The following ASTN2 variants were observed in gnomAD, a reference collection of about 807,000 sequenced individuals.
ASTN2 encodes the protein astrotactin-2.
In ASTN2, 54 loss-of-function variants were observed where a neutral mutation model predicts 139.8. The ratio of observed to expected loss-of-function variants is 0.39; its 90% CI spans 0.31 to 0.48. ASTN2 has a LOEUF of 0.48. Among genes scored for constraint, ASTN2 ranks in the 20% least tolerant of loss-of-function variants. The pLI is 0.95. For missense variants in ASTN2, 1,565 were observed against 1,725.1 expected (o/e 0.91, Z 1.64); for synonymous variants, 756 against 719.5 (o/e 1.05, Z -0.81).
chr9:116,754,838 G>T (rs1829493382), intron 13 of ASTN2, among the ~76,000 whole-genome samples: 1 of 152,202 alleles, frequency 6.6e-6, no homozygotes, highest in Non-Finnish European at 1.5e-5. Flanking sequence ...TCTCCAACAA[G>T]TGTGAACTTT....
intron 7 of ASTN2, among the ~76,000 whole-genome samples, chr9:116,986,254 T>G (rs1364760600): frequency 6.7e-6 from 1 of 150,208 alleles, no homozygotes; most frequent in Non-Finnish European, 1.5e-5. Flanking sequence ...CCTGCTGTGT[T>G]AGTTCCTCCT....
chr9:116,779,467 A>G (rs1830162622), intron 13 of ASTN2, among the ~76,000 whole-genome samples: 1 of 150,182 alleles, frequency 6.7e-6, no homozygotes, highest in Non-Finnish European at 1.5e-5. Context: ...GAAAAAATAA[A>G]TATCTATTCT....
intron 1 of ASTN2, among the ~76,000 whole-genome samples, chr9:117,323,507 A>G (rs1467592523): frequency 6.6e-6 from 1 of 152,118 alleles, no homozygotes; most frequent in South Asian, 2.1e-4. Flanking sequence ...AGACTTCCCA[A>G]TATCTCTGGC....
rs148292418 is a variant in ASTN2 at position 116,474,711 on chromosome 9, G to C, written c.3497+12648C>G. 3.3e-4 allele frequency among the ~76,000 whole-genome samples: 51 copies of C among 152,262 alleles called. No homozygotes were observed. The East Asian group carries it at 5.4e-3, about 16-fold the overall frequency. ...TGGTTTCATTCCTAGAGTCTTAAAT[G>C]ATCAGAGTAGAAATGAACTTCTCTA... On this transcript the variant is annotated intron_variant, in intron 20 of 22. Coordinates refer to ENST00000313400, the MANE Select transcript of ASTN2 (RefSeq NM_001365068.1).
intron 13 of ASTN2, among the ~76,000 whole-genome samples, chr9:116,753,233 C>A (rs1235071842): frequency 6.6e-6 from 1 of 152,162 alleles, no homozygotes; most frequent in East Asian, 1.9e-4. Context: ...CACATTGCTA[C>A]AGGAAAGGAG....
intron 13 of ASTN2, among the ~76,000 whole-genome samples, chr9:116,751,010 C>T (rs1003692834): frequency 1.3e-5 from 2 of 152,182 alleles, no homozygotes; most frequent in Non-Finnish European, 2.9e-5. Flanking sequence ...GGTTATGTTG[C>T]CATATGCAAT....
intron 1 of ASTN2, among the ~76,000 whole-genome samples, chr9:117,354,089 C>A (rs1331341026): frequency 1.3e-5 from 2 of 152,120 alleles, no homozygotes; most frequent in African/African-American, 4.8e-5. Flanking sequence ...AACAAAAGTA[C>A]TACTCTGGTG....
intron 10 of ASTN2, among the ~76,000 whole-genome samples, chr9:116,915,384 G>C (rs912264550): frequency 6.6e-6 from 1 of 152,134 alleles, no homozygotes; most frequent in Admixed American, 6.5e-5. Context: ...TTTGGCCTCT[G>C]CCTCAAGTTC....
chr9:116,824,207 G>A (rs998435449), intron 11 of ASTN2, among the ~76,000 whole-genome samples: 1 of 152,134 alleles, frequency 6.6e-6, no homozygotes, highest in Non-Finnish European at 1.5e-5. Flanking sequence ...TAAATAGTAC[G>A]GTAGCCAGCT....
chr9:116,507,883 T>C (rs1326327851), intron 19 of ASTN2, among the ~76,000 whole-genome samples: 1 of 152,134 alleles, frequency 6.6e-6, no homozygotes, highest in Non-Finnish European at 1.5e-5. Flanking sequence ...CTTCTTCTTT[T>C]ATTTATTTAT....
At chr9:116,936,111 A>ATCACC in intron 10 of ASTN2, among the ~76,000 whole-genome samples, 1 of 688 alleles carries the variant, frequency 1.5e-3, no homozygotes, top group Non-Finnish European at 2.6e-3. Flanking sequence ...CTACCACTAA[A>ATCACC]ACCACCACCA....
intron 13 of ASTN2, among the ~76,000 whole-genome samples, chr9:116,746,355 G>A (rs1829233595): frequency 6.6e-6 from 1 of 151,930 alleles, no homozygotes; most frequent in African/African-American, 2.4e-5. Flanking sequence ...TAAAATGTTG[G>A]GATTACAGGC....
At chr9:116,471,606 G>C (rs1848816383) in intron 20 of ASTN2, among the ~76,000 whole-genome samples, 1 of 152,068 alleles carries the variant, frequency 6.6e-6, no homozygotes, top group Admixed American at 6.6e-5. Flanking sequence ...AGTAAAGGGG[G>C]TGGAGGGAGG....
chr9:116,740,794 G>C (rs1048606104), intron 13 of ASTN2, among the ~76,000 whole-genome samples: 1 of 151,614 alleles, frequency 6.6e-6, no homozygotes, highest in African/African-American at 2.4e-5. Context: ...GATTACAGGC[G>C]TGAACCACCG....
At chr9:116,712,802 A>T (rs753509896) in intron 16 of ASTN2, among the ~76,000 whole-genome samples, 1 of 152,228 alleles carries the variant, frequency 6.6e-6, no homozygotes, top group Non-Finnish European at 1.5e-5. Context: ...TATACCTTTC[A>T]TTGTGTGTTA....
At chr9:116,956,103 T>C (rs1038273137) in intron 10 of ASTN2, among the ~76,000 whole-genome samples, 1 of 147,754 alleles carries the variant, frequency 6.8e-6, no homozygotes, top group African/African-American at 2.5e-5. Context: ...TCTTTTTTTT[T>C]TTTTTTTTTG....
chr9:117,056,509 G>C (rs965586482), intron 5 of ASTN2, among the ~76,000 whole-genome samples: 1 of 152,130 alleles, frequency 6.6e-6, no homozygotes, highest in African/African-American at 2.4e-5. Context: ...AAGGTCAGGT[G>C]GAGACATCAT....
chr9:117,123,916 G>T (rs538283953), intron 4 of ASTN2, among the ~76,000 whole-genome samples: 1 of 152,320 alleles, frequency 6.6e-6, no homozygotes, highest in East Asian at 1.9e-4. Flanking sequence ...TCTGCGACAT[G>T]CCTGTCTGTG....
intron 2 of ASTN2, among the ~76,000 whole-genome samples, chr9:117,288,059 C>T (rs1834493263): frequency 6.6e-6 from 1 of 152,190 alleles, no homozygotes; most frequent in African/African-American, 2.4e-5. Context: ...TGCTGAATTC[C>T]ATCGCTCTGC....
Sources: gnomAD v4.1 joint callset for allele counts (sites outside exome capture counted in the v4.1 genomes callset) on GRCh38, gnomAD v4.1.1 for gene constraint, MANE v1.5 for transcripts, NCBI Gene and HGNC (gene_info 2026-07-23, HGNC 2026-07-21) for gene names.